The following ATG7 variants were observed in gnomAD, a reference collection of about 807,000 sequenced individuals.
ATG7 encodes ubiquitin-like modifier-activating enzyme ATG7.
Under a neutral mutation model 82.4 loss-of-function variants are expected in ATG7, and 70 were observed. That is an observed-to-expected ratio of 0.85 (90% confidence interval 0.70 to 1.04). The LOEUF (loss-of-function observed/expected upper bound fraction) is 1.04, where lower values mean the gene tolerates loss of function less well. Ranked by LOEUF, ATG7 falls within the 50% of genes least tolerant of loss-of-function variation. The pLI is 0.00. For missense variants in ATG7, 792 were observed against 864.3 expected (o/e 0.92, Z 1.05); for synonymous variants, 287 against 313.0 (o/e 0.92, Z 0.88).
chr3:11,357,735 G>A (rs755683007), intron 14 of ATG7, among the ~76,000 whole-genome samples: 24 of 152,112 alleles, frequency 1.6e-4, no homozygotes, highest in Non-Finnish European at 2.5e-4. Context: ...CTTTGGCAGG[G>A]TACGGTGGCT....
intron 20 of ATG7, among the ~76,000 whole-genome samples, chr3:11,450,406 T>A (rs1457486994): frequency 6.6e-6 from 1 of 152,244 alleles, no homozygotes; most frequent in Non-Finnish European, 1.5e-5. Context: ...ATTTGTACTT[T>A]GGTAGGTCAT....
intron 1 of ATG7, among the ~76,000 whole-genome samples, chr3:11,279,811 C>T (rs1942678767): frequency 6.6e-6 from 1 of 152,196 alleles, no homozygotes; most frequent in African/African-American, 2.4e-5. Context: ...CCTCCTATAA[C>T]ATTCTGTACA....
intron 1 of ATG7, among the ~76,000 whole-genome samples, chr3:11,277,743 C>T (rs533919479): frequency 1.2e-4 from 18 of 152,182 alleles, no homozygotes; most frequent in East Asian, 7.7e-4. Context: ...AAACAGGGTT[C>T]GAGAGCAGAG....
chr3:11,289,278 G>A (rs2594986), intron 3 of ATG7, among the ~76,000 whole-genome samples: 131,509 of 152,186 alleles, frequency 0.86, 57,070 homozygotes, highest in East Asian at 1. Flanking sequence ...GAATAACTCT[G>A]TCTATGACTC....
chr3:11,438,340 A>G (rs535216117), intron 20 of ATG7, among the ~76,000 whole-genome samples: 1 of 152,196 alleles, frequency 6.6e-6, no homozygotes, highest in Non-Finnish European at 1.5e-5. Flanking sequence ...GCTATTTTCA[A>G]TATTTTGAAA....
At chr3:11,453,203 C>G (rs780392590) in intron 20 of ATG7, among the ~76,000 whole-genome samples, 1 of 152,258 alleles carries the variant, frequency 6.6e-6, no homozygotes, top group Non-Finnish European at 1.5e-5. Flanking sequence ...GGAGAACAGA[C>G]GGGGGGCGTG....
At chr3:11,426,323 A>G (rs1357539067) in intron 19 of ATG7, among the ~76,000 whole-genome samples, 1 of 152,180 alleles carries the variant, frequency 6.6e-6, no homozygotes, top group Non-Finnish European at 1.5e-5. Context: ...CTCTTTGGAT[A>G]TCCTCTTTTG....
rs1049785672 is a variant in ATG7, at chr3:11,386,826, A to G, written c.1956+6774A>G. Among the ~76,000 whole-genome samples the G allele has an allele frequency of 1.4e-4, 22 of 152,186 alleles. 1 individual carries two copies. The highest frequency in any genetic ancestry group is 7.2e-5 in the African/African-American group (3 of 41,440). ...TCCTTAGCAACTAGTGTTTTCTCCA[A>G]TCTCCAGAACTGCTTGGTTCCCAAA... On this transcript the variant is annotated intron_variant, in intron 19 of 20. Coordinates refer to ENST00000693202, the MANE Select transcript of ATG7 (RefSeq NM_001349232.2).
intron 19 of ATG7, among the ~76,000 whole-genome samples, chr3:11,395,939 CAAAAAAAAAAAAAAA>C (rs869125190): frequency 5.1e-3 from 129 of 25,514 alleles, no homozygotes; most frequent in African/African-American, 0.017. Context: ...GACTCTGTCT[CAAAAAAAAAAAAAAA>C]AAAAAAAAAA....
chr3:11,426,369 A>G (rs1164149432), intron 19 of ATG7, among the ~76,000 whole-genome samples: 1 of 152,106 alleles, frequency 6.6e-6, no homozygotes, highest in African/African-American at 2.4e-5. Context: ...TCCATTTTAA[A>G]ATTATTTTTA....
rs148863652 is a variant in ATG7, at chr3:11,298,853, A to C, written c.158A>C (p.Asn53Thr). ...AAGGACATTAAGGGTTATTACTACAATGGTAGGTGATTGTAAATTTCATTT... is the reference window on the plus strand; with the variant it reads ...AAGGACATTAAGGGTTATTACTACACTGGTAGGTGATTGTAAATTTCATTT... Reference protein sequence around the residue: ...APKDIKGYYYNGDSAGLPARL... With the variant: ...APKDIKGYYYTGDSAGLPARL... The change falls in exon 4 of 21, where the codon AAT becomes ACT. Residue 53 changes from asparagine (N) to threonine (T), a missense_variant and splice_region_variant. Transcript: ENST00000693202. 10 of 1,614,058 alleles carry C rather than the reference A, an allele frequency of 6.2e-6. No homozygotes were observed. The highest frequency in any genetic ancestry group is 8.5e-6 in the Non-Finnish European group (10 of 1,179,930).
At chr3:11,522,764 A>G (rs1488327190) in intron 20 of ATG7, among the ~76,000 whole-genome samples, 1 of 152,200 alleles carries the variant, frequency 6.6e-6, no homozygotes, top group Non-Finnish European at 1.5e-5. Context: ...TCGCCTGTCA[A>G]ATGCCCACCC....
rs146833166 is a variant in ATG7 at position 11,492,575 on chromosome 3, G to A, written c.2080-62236G>A. 2.3e-3 allele frequency among the ~76,000 whole-genome samples: 344 copies of A among 152,334 alleles called. 2 individuals carry two copies. The highest frequency in any genetic ancestry group is 7.2e-3 in the African/African-American group (301 of 41,574). The stretch of plus-strand genomic sequence containing the variant: ...CTCAGTCCGTTGTGCTCAACTCCTC[G>A]CGGGAGGGAGCACGTGAATGAATAA... On this transcript the variant is annotated intron_variant, in intron 20 of 20. Coordinates refer to ENST00000693202, the MANE Select transcript of ATG7 (RefSeq NM_001349232.2).
At chr3:11,319,576 C>T (rs184553075) in intron 9 of ATG7, among the ~76,000 whole-genome samples, 36 of 152,364 alleles carry the variant, frequency 2.4e-4, no homozygotes, top group African/African-American at 7.2e-4. Flanking sequence ...AATTTTCTCT[C>T]ACCGGCCTGA....
chr3:11,341,385 T>C (rs1034987656), intron 12 of ATG7, among the ~76,000 whole-genome samples: 2 of 151,608 alleles, frequency 1.3e-5, no homozygotes, highest in African/African-American at 4.9e-5. Flanking sequence ...TGAAGGATAT[T>C]AGAAGAATTA....
intron 20 of ATG7, among the ~76,000 whole-genome samples, chr3:11,440,991 C>T (rs895090560): frequency 1.3e-5 from 2 of 151,946 alleles, no homozygotes; most frequent in Non-Finnish European, 1.5e-5. Flanking sequence ...CCCCCATTTG[C>T]TTTTATTCAG....
At chr3:11,551,409 A>G (rs1349803140) in intron 20 of ATG7, among the ~76,000 whole-genome samples, 1 of 152,192 alleles carries the variant, frequency 6.6e-6, no homozygotes, top group Non-Finnish European at 1.5e-5. Flanking sequence ...TGACATCTTT[A>G]TGGATGTTGA....
At chr3:11,458,495 C>A (rs1397782001) in intron 20 of ATG7, among the ~76,000 whole-genome samples, 1 of 152,158 alleles carries the variant, frequency 6.6e-6, no homozygotes, top group Non-Finnish European at 1.5e-5. Context: ...AATCTCCTGA[C>A]CTCGTGATCC....
chr3:11,360,972 G>C (rs147713813), intron 16 of ATG7, among the ~76,000 whole-genome samples, 188 bp downstream of exon 16: 269 of 152,284 alleles, frequency 1.8e-3, no homozygotes, highest in Non-Finnish European at 2.9e-3. Context: ...CTGTACACCT[G>C]TTCCTTGTTC....
Sources: gnomAD v4.1 joint callset for allele counts (sites outside exome capture counted in the v4.1 genomes callset) on GRCh38, gnomAD v4.1.1 for gene constraint, MANE v1.5 for transcripts, NCBI Gene and HGNC (gene_info 2026-07-23, HGNC 2026-07-21) for gene names.